Variants in HTR4 observed in about 807,000 individuals in gnomAD.
HTR4 encodes the protein 5-hydroxytryptamine (serotonin) receptor 4, G protein-coupled.
Under a neutral mutation model 36.8 loss-of-function variants are expected in HTR4, and 16 were observed. The ratio of observed to expected loss-of-function variants is 0.43; its 90% CI spans 0.29 to 0.66. The LOEUF (loss-of-function observed/expected upper bound fraction) is 0.66, where lower values mean the gene tolerates loss of function less well. HTR4 is among the 30% of genes least tolerant of loss of function. The pLI is 0.13. For missense variants in HTR4, 438 were observed against 490.9 expected, an observed-to-expected ratio of 0.89 and a Z score of 1.02; for synonymous variants, 189 against 185.1, an observed-to-expected ratio of 1.02 and a Z score of -0.17.
intron 2 of HTR4, among the ~76,000 whole-genome samples, chr5:148,569,472 C>T (rs1760586046): frequency 6.6e-6 from 1 of 152,012 alleles, no homozygotes; most frequent in Admixed American, 6.6e-5. Context: ...ACCTATGTAA[C>T]AAATCTGCAT....
intron 6 of HTR4, chr5:148,490,988 G>A (rs1374743755): frequency 2.2e-5 from 8 of 356,964 alleles, no homozygotes; most frequent in East Asian, 8.0e-5. Flanking sequence ...AACATACTCC[G>A]GCTTGTCAAT....
chr5:148,491,457 T>C (rs1372755683), intron 6 of HTR4, among the ~76,000 whole-genome samples: 2 of 152,168 alleles, frequency 1.3e-5, no homozygotes, highest in Admixed American at 1.3e-4. Flanking sequence ...TTCTCTGTTG[T>C]AAAGCTCAGA....
intron 4 of HTR4, among the ~76,000 whole-genome samples, chr5:148,538,793 T>C (rs1480365218): frequency 6.6e-6 from 1 of 152,212 alleles, no homozygotes; most frequent in Non-Finnish European, 1.5e-5. Flanking sequence ...AAAATGGATG[T>C]ACTGTCCAAA....
chr5:148,555,841 G>A (rs931725841), intron 2 of HTR4, among the ~76,000 whole-genome samples: 2 of 151,978 alleles, frequency 1.3e-5, no homozygotes, highest in Admixed American at 6.6e-5. Flanking sequence ...ACATAGGTTA[G>A]TATATGTGAA....
At chr5:148,636,692 C>T (rs540251053) in intron 2 of HTR4, among the ~76,000 whole-genome samples, 5 of 152,304 alleles carry the variant, frequency 3.3e-5, no homozygotes, top group African/African-American at 1.2e-4. Context: ...TTTACCCCTA[C>T]TTAAATACAT....
intron 5 of HTR4, among the ~76,000 whole-genome samples, chr5:148,471,193 C>T (rs1355279714): frequency 6.6e-6 from 1 of 152,152 alleles, no homozygotes; most frequent in South Asian, 2.1e-4. Flanking sequence ...GGATACTGTA[C>T]TTTCTCCAGT....
Position 148,503,100 on chromosome 5 carries a change from T to C in HTR4, c.1076+6356A>G, listed in dbSNP as rs530517497. 5.3e-5 allele frequency among the ~76,000 whole-genome samples: 8 copies of C among 152,288 alleles called. No individual in the cohort carries two copies. The East Asian group carries it at 1.5e-3, about 29-fold the overall frequency. On this transcript the variant is annotated intron_variant, in intron 6 of 6. Coordinates refer to ENST00000377888, the MANE Select transcript of HTR4 (RefSeq NM_000870.7). ...ATTATCCAGGAGAACTTCCCCAACC[T>C]AGCAAGGCAGGCCAACATTTGAATT...
At chr5:148,600,171 A>C (rs1020259245) in intron 2 of HTR4, among the ~76,000 whole-genome samples, 3 of 150,578 alleles carry the variant, frequency 2.0e-5, no homozygotes, top group Non-Finnish European at 4.4e-5. Context: ...ATGAAAAAGA[A>C]AGCATTGTTA....
chr5:148,490,693 A>C (rs183405419), intron 6 of HTR4: 1 of 1,207,618 alleles, frequency 8.3e-7, no homozygotes, highest in Non-Finnish European at 1.0e-6. Context: ...TGGTCATCCA[A>C]TTGTCTCCTT....
chr5:148,553,477 T>G (rs1759794597), intron 2 of HTR4, among the ~76,000 whole-genome samples: 1 of 152,170 alleles, frequency 6.6e-6, no homozygotes, highest in African/African-American at 2.4e-5. Context: ...GCAGCTTGGA[T>G]AGAGAAATTT....
intron 1 of HTR4, among the ~76,000 whole-genome samples, chr5:148,648,995 T>C (rs1464010031): frequency 6.6e-6 from 1 of 152,204 alleles, no homozygotes; most frequent in African/African-American, 2.4e-5. Context: ...GTGTTGGCTT[T>C]TATTATGTAT....
intron 1 of HTR4, among the ~76,000 whole-genome samples, chr5:148,648,013 A>G (rs1353706514): frequency 1.3e-5 from 2 of 152,200 alleles, no homozygotes; most frequent in African/African-American, 4.8e-5. Context: ...CAACTTTGCA[A>G]TTGTCCAAAG....
At chr5:148,526,197 A>G (rs192868023) in intron 4 of HTR4, among the ~76,000 whole-genome samples, 2 of 152,350 alleles carry the variant, frequency 1.3e-5, no homozygotes, top group Admixed American at 6.5e-5. Flanking sequence ...TGACAGCTTT[A>G]GCAAACTAAT....
At chr5:148,547,690 C>T (rs1213705598) in intron 4 of HTR4, among the ~76,000 whole-genome samples, 3 of 151,730 alleles carry the variant, frequency 2.0e-5, no homozygotes, top group African/African-American at 4.8e-5. Flanking sequence ...CACAGTAGCT[C>T]GAGACCAGCC....
At chr5:148,506,167 A>G (rs1757196856) in intron 6 of HTR4, among the ~76,000 whole-genome samples, 2 of 152,222 alleles carry the variant, frequency 1.3e-5, no homozygotes, top group South Asian at 4.1e-4. Context: ...TACTGGGACT[A>G]AAACAGAGAT....
intron 2 of HTR4, among the ~76,000 whole-genome samples, chr5:148,571,779 A>G (rs1481744665): frequency 6.6e-6 from 1 of 152,118 alleles, no homozygotes; most frequent in African/African-American, 2.4e-5. Flanking sequence ...TGGAGAGAGC[A>G]GCACAGGGGC....
At chr5:148,650,009 G>T (rs1171958578) in intron 1 of HTR4, among the ~76,000 whole-genome samples, 2 of 149,558 alleles carry the variant, frequency 1.3e-5, no homozygotes, top group African/African-American at 4.9e-5. Context: ...CTTTGGGAGT[G>T]AGGACCAGCA....
chr5:148,625,579 G>T (rs184560416), intron 2 of HTR4, among the ~76,000 whole-genome samples: 2 of 152,018 alleles, frequency 1.3e-5, no homozygotes, highest in Non-Finnish European at 2.9e-5. Flanking sequence ...TGTTTGTTTG[G>T]GGTTTTTTTG....
intron 5 of HTR4, among the ~76,000 whole-genome samples, chr5:148,464,148 T>C (rs1755362790): frequency 6.6e-6 from 1 of 151,592 alleles, no homozygotes; most frequent in African/African-American, 2.4e-5. Flanking sequence ...TTCTAGAAGA[T>C]AGCTTAGGAA....
Sources: allele counts gnomAD v4.1 joint callset (sites outside exome capture counted in the v4.1 genomes callset), GRCh38; gene constraint gnomAD v4.1.1; transcripts MANE v1.5; gene names NCBI Gene and HGNC (gene_info 2026-07-23, HGNC 2026-07-21).